NECTIN2: variants seen among roughly 807,000 people sequenced by gnomAD.
The protein encoded by NECTIN2 is nectin cell adhesion molecule 2.
In NECTIN2, 23 loss-of-function variants were observed where a neutral mutation model predicts 56.9. The observed-to-expected ratio is 0.40, with a 90% CI of 0.29 to 0.57. NECTIN2 has a LOEUF of 0.57. NECTIN2 is among the 20% of genes least tolerant of loss of function. NECTIN2 has a pLI of 0.38. For missense variants in NECTIN2, 587 were observed against 718.3 expected, an observed-to-expected ratio of 0.82 and a Z score of 2.09; for synonymous variants, 302 against 313.8, an observed-to-expected ratio of 0.96 and a Z score of 0.40.
chr19:44,865,063 C>T lies in NECTIN2; in HGVS notation c.89-208C>T, dbSNP rs419010. 0.48 allele frequency among the ~76,000 whole-genome samples: 73,265 copies of T among 152,036 alleles called. 18,868 individuals are homozygous for T. Among genetic ancestry groups the T allele is most frequent in the East Asian group, 0.57 (2,942 of 5,164 alleles). ...ATATGTAATATGAACTCATAGTACA[C>T]GTTATAGTTGTATAATAGAATAGTC... On this transcript the variant is annotated intron_variant, in intron 1 of 8. Coordinates refer to ENST00000252483, the MANE Select transcript of NECTIN2 (RefSeq NM_001042724.2). The surrounding 1 kb of genome is among the most constrained non-coding windows in gnomAD (Gnocchi z 5.2).
rs900064842 is a variant in NECTIN2 at position 44,873,580 on chromosome 19, C to A, written c.776-336C>A. On this transcript the variant is annotated intron_variant, in intron 3 of 8. Transcript: ENST00000252483. Reference sequence around the variant, plus strand: ...CCCAGGACGTGGAGTTTGCAGTAAACCAGGATCACCCCACTGCTCTCCATC... The same window carrying A: ...CCCAGGACGTGGAGTTTGCAGTAAAACAGGATCACCCCACTGCTCTCCATC... Among the ~76,000 whole-genome samples the A allele has an allele frequency of 3.9e-5, 6 of 152,068 alleles. 1 individual carries two copies.
At chr19:44,871,708 C>G in intron 2 of NECTIN2, 145 bp from the exon 3 acceptor site, 1 of 904,606 alleles carries the variant, frequency 1.1e-6, no homozygotes, top group East Asian at 2.7e-5. Context: ...TGCAAAACCA[C>G]TTATCCCAAG....
chr19:44,880,893 C>T (rs1401128917), intron 5 of NECTIN2, among the ~76,000 whole-genome samples: 1 of 151,912 alleles, frequency 6.6e-6, no homozygotes, highest in Admixed American at 6.6e-5. Flanking sequence ...CTGCCTCAGC[C>T]TCCTGAGTAG....
At chr19:44,871,010 A>G (rs961971976) in intron 2 of NECTIN2, among the ~76,000 whole-genome samples, 3 of 152,140 alleles carry the variant, frequency 2.0e-5, no homozygotes, top group Non-Finnish European at 4.4e-5. Context: ...GATTACAGGC[A>G]TGAGCCACTG....
intron 1 of NECTIN2, among the ~76,000 whole-genome samples, chr19:44,848,547 T>G (rs1014880226): frequency 6.6e-6 from 1 of 152,016 alleles, no homozygotes; most frequent in Non-Finnish European, 1.5e-5. Context: ...CCCCACTGAT[T>G]CCCTGTGAAA....
intron 5 of NECTIN2, among the ~76,000 whole-genome samples, chr19:44,879,899 G>A (rs1338229081): frequency 5.3e-5 from 8 of 152,268 alleles, no homozygotes; most frequent in South Asian, 2.1e-4. Flanking sequence ...ACCCAGTGCC[G>A]TCCTCCGGTG....
intron 5 of NECTIN2, among the ~76,000 whole-genome samples, chr19:44,880,848 C>T (rs11083749): frequency 0.5 from 75,237 of 150,320 alleles, 19,765 homozygotes; most frequent in East Asian, 0.89. Flanking sequence ...TCTTGGCTCA[C>T]GGCAACCTCC....
chr19:44,878,851 A>G (rs937741195), intron 5 of NECTIN2: 2 of 1,293,166 alleles, frequency 1.5e-6, no homozygotes, highest in African/African-American at 3.0e-5. Flanking sequence ...TCCAGAGAGG[A>G]CCCCCGCCCC....
At chr19:44,857,426 G>A (rs1401490119) in intron 1 of NECTIN2, among the ~76,000 whole-genome samples, 1 of 151,498 alleles carries the variant, frequency 6.6e-6, no homozygotes, top group African/African-American at 2.4e-5. Flanking sequence ...TTTTGAGACG[G>A]AGTCTTGCTC....
At chr19:44,850,358 CAA>C (rs1458614195) in intron 1 of NECTIN2, among the ~76,000 whole-genome samples, 1 of 152,074 alleles carries the variant, frequency 6.6e-6, no homozygotes, top group African/African-American at 2.4e-5. Flanking sequence ...AAAAGACTTT[CAA>C]GAAGCCAGGC....
At chr19:44,887,146 TC>T in intron 8 of NECTIN2, among the ~76,000 whole-genome samples, 1 of 151,920 alleles carries the variant, frequency 6.6e-6, no homozygotes, top group South Asian at 2.1e-4. Context: ...CGTCAGGAGT[TC>T]CAGACCACCC....
Position 44,865,252 on chromosome 19 carries a change from C to G in NECTIN2, c.89-19C>G, listed in dbSNP as rs1252541146. 6.3e-6 allele frequency: 10 copies of G among 1,594,208 alleles called. No individual in the cohort carries two copies. The highest frequency in any genetic ancestry group is 2.0e-4 in the Middle Eastern group (1 of 5,008). On this transcript the variant is annotated intron_variant, in intron 1 of 8. Transcript: ENST00000252483. The surrounding 1 kb of genome is among the most constrained non-coding windows in gnomAD (Gnocchi z 5.2). Reference sequence around the variant, plus strand: ...CCCTCCCCCACCCGACTACTTCACTCTCTGTCCTCTCTGCCCAGGAGCCCA... The same window carrying G: ...CCCTCCCCCACCCGACTACTTCACTGTCTGTCCTCTCTGCCCAGGAGCCCA...
intron 2 of NECTIN2, among the ~76,000 whole-genome samples, chr19:44,867,597 G>A (rs416041): frequency 0.65 from 98,518 of 152,070 alleles, 32,453 homozygotes; most frequent in East Asian, 0.89. Flanking sequence ...GTCAAGTCCT[G>A]GAGTCTGAGA....
Position 44,885,928 on chromosome 19 carries a change from A to T in NECTIN2, c.1197-9A>T. The T allele has an allele frequency of 6.4e-7, 1 of 1,564,432 alleles. No individual in the cohort carries two copies. Among genetic ancestry groups the T allele is most frequent in the Non-Finnish European group, 8.8e-7 (1 of 1,135,118 alleles). On this transcript the variant is annotated splice_polypyrimidine_tract_variant and intron_variant, in intron 6 of 8. Transcript: ENST00000252483. ...TTAATCTCCACTTGTCCTACCTCCT[A>T]CCCCACAGCCTGGAGGGACCTCCCT...
intron 6 of NECTIN2, among the ~76,000 whole-genome samples, chr19:44,883,858 A>G (rs747253782): frequency 1.3e-5 from 2 of 151,822 alleles, no homozygotes; most frequent in Non-Finnish European, 2.9e-5. Flanking sequence ...GGTGCCTCAC[A>G]CCTGTAATCC....
intron 5 of NECTIN2, chr19:44,878,613 A>C: frequency 6.3e-7 from 1 of 1,595,682 alleles, no homozygotes; most frequent in Non-Finnish European, 8.5e-7. Flanking sequence ...CGGGCAGTTT[A>C]TGTGTGACCT....
intron 6 of NECTIN2, among the ~76,000 whole-genome samples, chr19:44,883,647 C>T (rs1230832908): frequency 6.6e-6 from 1 of 152,112 alleles, no homozygotes; most frequent in African/African-American, 2.4e-5. Flanking sequence ...CAAAGTGAGA[C>T]ACCATCTCTA....
At chr19:44,882,075 T>G in intron 5 of NECTIN2, 136 bp from the exon 6 acceptor site, 1 of 741,902 alleles carries the variant, frequency 1.3e-6, no homozygotes, top group Non-Finnish European at 1.9e-6. Flanking sequence ...GCAGTTTGAG[T>G]TGAATGAAAG....
At chr19:44,881,240 C>T (rs1969304618) in intron 5 of NECTIN2, among the ~76,000 whole-genome samples, 1 of 152,096 alleles carries the variant, frequency 6.6e-6, no homozygotes, top group African/African-American at 2.4e-5. Flanking sequence ...GAAGGAGATT[C>T]TAGTCCCCAG....
Sources: gnomAD v4.1 joint callset for allele counts (sites outside exome capture counted in the v4.1 genomes callset) on GRCh38, gnomAD v4.1.1 for gene constraint, Gnocchi (gnomAD v3.1) non-coding constraint, MANE v1.5 for transcripts, NCBI Gene and HGNC (gene_info 2026-07-23, HGNC 2026-07-21) for gene names.